TBCE: variants seen among roughly 807,000 people sequenced by gnomAD.
TBCE encodes tubulin folding cofactor E, also known as tubulin-specific chaperone E.
A neutral mutation model predicts 77.0 loss-of-function variants in TBCE; 53 were observed. That is an observed-to-expected ratio of 0.69 (90% confidence interval 0.55 to 0.87). The LOEUF is 0.87. Among genes scored for constraint, TBCE ranks in the 40% least tolerant of loss-of-function variants. The probability of loss-of-function intolerance (pLI) is 0.00; values close to 1 mark genes in which losing one functional copy is unlikely to be tolerated. For synonymous variants in TBCE, 235 were observed against 241.3 expected, an observed-to-expected ratio of 0.97 and a Z score of 0.24; for missense variants, 624 against 622.4, an observed-to-expected ratio of 1.00 and a Z score of -0.03.
intron 1 of TBCE, among the ~76,000 whole-genome samples, 168 bp from the exon 2 acceptor site, chr1:235,379,851 A>T (rs188849185): frequency 3.2e-4 from 47 of 149,024 alleles, no homozygotes; most frequent in African/African-American, 8.7e-4. Context: ...CTGGTGGCTG[A>T]GGCACAAGAA....
chr1:235,419,194 G>A (rs1371451927), intron 4 of TBCE: 22 of 486,784 alleles, frequency 4.5e-5, no homozygotes, highest in Non-Finnish European at 7.1e-5. Context: ...GCAACACAAC[G>A]AGACTCTGGC....
chr1:235,401,435 C>A, intron 2 of TBCE, 68 bp from the exon 3 acceptor site: 1 of 1,380,744 alleles, frequency 7.2e-7, no homozygotes, highest in Non-Finnish European at 1.0e-6. Context: ...TTGGTATTTG[C>A]TTGCAGAAAA....
intron 3 of TBCE, among the ~76,000 whole-genome samples, chr1:235,403,165 T>C (rs1341111203): frequency 6.6e-6 from 1 of 152,144 alleles, no homozygotes; most frequent in Non-Finnish European, 1.5e-5. Context: ...CACAGATTCC[T>C]TAGGTACCTG....
At chr1:235,370,081 C>T (rs550313201) in intron 1 of TBCE, among the ~76,000 whole-genome samples, 5 of 152,202 alleles carry the variant, frequency 3.3e-5, no homozygotes, top group Non-Finnish European at 7.4e-5. Flanking sequence ...AAGGCCTTCT[C>T]TGACAAGCCA....
chr1:235,384,763 C>G (rs1411583265), intron 2 of TBCE, among the ~76,000 whole-genome samples: 1 of 152,114 alleles, frequency 6.6e-6, no homozygotes, highest in Non-Finnish European at 1.5e-5. Context: ...TTTCAAAAAA[C>G]CAGCTCCTGG....
At chr1:235,379,423 G>A (rs1677479672) in intron 1 of TBCE, among the ~76,000 whole-genome samples, 1 of 152,086 alleles carries the variant, frequency 6.6e-6, no homozygotes. Flanking sequence ...AGCTACTTGG[G>A]AGGCTGAGGC....
intron 6 of TBCE, chr1:235,430,462 C>T (rs1681023488): frequency 2.5e-6 from 1 of 397,166 alleles, no homozygotes. Context: ...TACAGGTGCC[C>T]TAATCCTGTG....
intron 5 of TBCE, among the ~76,000 whole-genome samples, chr1:235,421,782 T>C (rs974168297): frequency 1.3e-5 from 2 of 152,180 alleles, no homozygotes; most frequent in African/African-American, 4.8e-5. Context: ...CCCCAATTCA[T>C]TAAGTCTGTC....
At chr1:235,399,688 G>A (rs965161174) in intron 2 of TBCE, among the ~76,000 whole-genome samples, 5 of 152,178 alleles carry the variant, frequency 3.3e-5, no homozygotes, top group African/African-American at 9.7e-5. Context: ...ACCTGTAAAT[G>A]TAAGTAAGTG....
chr1:235,372,932 A>G (rs1677064196), intron 1 of TBCE, among the ~76,000 whole-genome samples: 2 of 151,656 alleles, frequency 1.3e-5, no homozygotes, highest in South Asian at 4.2e-4. Context: ...TAAAAAAAAA[A>G]AAAAAAAAAA....
rs1311795072 is a variant in TBCE, at chr1:235,434,244, T to C, written c.701T>C (p.Leu234Pro). 3 of 1,614,164 alleles carry C rather than the reference T, an allele frequency of 1.9e-6. No individual in the cohort carries two copies. In the Admixed American group the frequency reaches 5.0e-5, roughly 27 times the overall value. Residue 234 changes from leucine to proline, a missense_variant, in exon 8 of 17, where the codon CTC (leucine) becomes CCC (proline). Transcript: ENST00000642610. ...CVAGCPGLEE[L>P]YLESNNIFIS... is the part of the protein sequence containing the mutation. ...GCGGGGTGCCCAGGCCTGGAGGAAC[T>C]CTACCTTGAGTCTAACAACATTTTC...
chr1:235,375,351 C>T (rs1002484512), intron 1 of TBCE, among the ~76,000 whole-genome samples: 1 of 152,184 alleles, frequency 6.6e-6, no homozygotes, highest in Non-Finnish European at 1.5e-5. Flanking sequence ...CCTTAGTCAG[C>T]ACCCAGATAG....
At chr1:235,442,827 G>T in intron 14 of TBCE, 25 bp from the exon 15 acceptor site, 1 of 1,609,540 alleles carries the variant, frequency 6.2e-7, no homozygotes, top group Non-Finnish European at 8.5e-7. Flanking sequence ...ATATCAATTA[G>T]TCTTTTTCTT....
intron 15 of TBCE, among the ~76,000 whole-genome samples, chr1:235,446,695 G>GT (rs11405266): frequency 0.091 from 12,656 of 138,878 alleles, 1,262 homozygotes; most frequent in East Asian, 0.51. Flanking sequence ...GAGTAGGCAG[G>GT]TTTTTTTTTT....
intron 11 of TBCE, 116 bp downstream of exon 11, chr1:235,436,724 A>G (rs2102924621): frequency 9.8e-7 from 1 of 1,019,086 alleles, no homozygotes; most frequent in Non-Finnish European, 1.5e-6. Context: ...AAAGAGAAAT[A>G]CCTCCTCAGA....
intron 1 of TBCE, among the ~76,000 whole-genome samples, chr1:235,373,440 G>A (rs1035020413): frequency 2.6e-5 from 4 of 151,534 alleles, no homozygotes; most frequent in Admixed American, 2.0e-4. Flanking sequence ...AGAATGTAAC[G>A]TCTACATTTT....
chr1:235,431,257 A>G (rs1486800671), intron 7 of TBCE, among the ~76,000 whole-genome samples: 25 of 152,194 alleles, frequency 1.6e-4, no homozygotes, highest in Admixed American at 1.6e-3. Context: ...CGGGCTCAAA[A>G]GTAGACTTGT....
At chr1:235,380,440 A>G (rs555234637) in intron 2 of TBCE, among the ~76,000 whole-genome samples, 6 of 152,270 alleles carry the variant, frequency 3.9e-5, no homozygotes, top group Admixed American at 1.3e-4. Flanking sequence ...ATAAACAGCT[A>G]AAAGTCTTGA....
intron 16 of TBCE, 89 bp from the exon 17 acceptor site, chr1:235,448,581 C>G: frequency 7.2e-7 from 1 of 1,382,638 alleles, no homozygotes. Flanking sequence ...AAGCTACTGC[C>G]TGGGGACGGG....
Sources: gnomAD v4.1 joint callset for allele counts (sites outside exome capture counted in the v4.1 genomes callset) on GRCh38, gnomAD v4.1.1 for gene constraint, MANE v1.5 for transcripts, NCBI Gene and HGNC (gene_info 2026-07-23, HGNC 2026-07-21) for gene names.